DST: variants seen among roughly 807,000 people sequenced by gnomAD.
DST encodes the protein bullous pemphigoid antigen.
A neutral mutation model predicts 875.2 loss-of-function variants in DST; 253 were observed. That is an observed-to-expected ratio of 0.29 (90% CI 0.26 to 0.32). The LOEUF is 0.32. Ranked by LOEUF, DST falls within the 10% of genes least tolerant of loss-of-function variation. The probability of loss-of-function intolerance (pLI) is 1.00; values close to 1 mark genes in which losing one functional copy is unlikely to be tolerated. For synonymous variants in DST, 3,124 were observed against 3,197.1 expected, an observed-to-expected ratio of 0.98 and a Z score of 0.77; for missense variants, 8,287 against 9,111.6, an observed-to-expected ratio of 0.91 and a Z score of 3.68.
At chr6:56,742,471 G>C in intron 4 of DST, 1 of 602,294 alleles carries the variant, frequency 1.7e-6, no homozygotes, top group Non-Finnish European at 2.7e-6. Flanking sequence ...CTGAAAACTA[G>C]TCAACACCTC....
intron 61 of DST, among the ~76,000 whole-genome samples, chr6:56,539,937 T>C (rs1245912213): frequency 6.6e-6 from 1 of 152,208 alleles, no homozygotes; most frequent in East Asian, 1.9e-4. Flanking sequence ...GGCTCTTAAA[T>C]GGCAGTGTCT....
At chr6:56,558,239 T>A (rs975397274) in intron 58 of DST, among the ~76,000 whole-genome samples, 6 of 152,204 alleles carry the variant, frequency 3.9e-5, no homozygotes, top group African/African-American at 1.2e-4. Context: ...ATGTGTTTTT[T>A]AAAATTATTT....
chr6:56,782,562 T>C (rs1157716581), intron 4 of DST, among the ~76,000 whole-genome samples: 4 of 152,242 alleles, frequency 2.6e-5, no homozygotes, highest in Non-Finnish European at 5.9e-5. Context: ...GTGGGATTGG[T>C]GGTGATATCC....
At chr6:56,557,614 A>G (rs1409490005) in intron 58 of DST, 96 bp from the exon 59 acceptor site, 5 of 909,174 alleles carry the variant, frequency 5.5e-6, no homozygotes, top group Non-Finnish European at 8.2e-6. Context: ...AATGATATAT[A>G]ATGGCTATAA....
chr6:56,560,196 A>T, intron 58 of DST, 98 bp downstream of exon 58: 1 of 1,195,628 alleles, frequency 8.4e-7, no homozygotes, highest in Non-Finnish European at 1.1e-6. Flanking sequence ...AAATCCAAAA[A>T]TAAGTGACTG....
At chr6:56,475,402 C>T (rs1489616090) in intron 92 of DST, among the ~76,000 whole-genome samples, 6 of 91,908 alleles carry the variant, frequency 6.5e-5, no homozygotes, top group Admixed American at 2.6e-4. Context: ...AAAACACACA[C>T]ACACACACAC....
chr6:56,522,552 C>T (rs1231625648), intron 69 of DST, among the ~76,000 whole-genome samples: 1 of 152,148 alleles, frequency 6.6e-6, no homozygotes, highest in Non-Finnish European at 1.5e-5. Context: ...ATCCACAACA[C>T]CTGGAGGGTC....
Position 56,632,088 on chromosome 6 carries a change from G to A in DST, c.3806-48C>T, listed in dbSNP as rs374831841. 6.8e-6 allele frequency: 10 copies of A among 1,479,522 alleles called. No homozygotes were observed. In the African/African-American group the frequency reaches 1.1e-4, roughly 16 times the overall value. The allele number at this position is 1,479,522 out of a possible 1,614,324, so 91.6% of individuals were successfully genotyped here. A position where few individuals can be genotyped will look rare whatever the true frequency, so the allele number is the denominator to read the frequency against. ...AAAATACCTTGTTTTCTATCTCTTA[G>A]AAGCTTCTGTTTATGTTTTAATATG... On this transcript the variant is annotated intron_variant, in intron 28 of 103. Transcript: ENST00000680361.
chr6:56,784,812 A>G (rs2099701733), intron 4 of DST, among the ~76,000 whole-genome samples: 1 of 152,060 alleles, frequency 6.6e-6, no homozygotes, highest in Non-Finnish European at 1.5e-5. Flanking sequence ...TGCTTTTTAG[A>G]GTTTCCAGTT....
At position 56,610,572 on chromosome 6, in the gene DST, C is replaced by G. The variant is rs1369673889; in HGVS notation, c.5148-10G>C. On this transcript the variant is annotated splice_polypyrimidine_tract_variant and intron_variant, in intron 38 of 103. Transcript: ENST00000680361. Reference sequence around the variant, plus strand: ...TTCTTCATCTGTCATTCTAAATAACCAGAAATGATAAAAAGACTAATGCAA... The same window carrying G: ...TTCTTCATCTGTCATTCTAAATAACGAGAAATGATAAAAAGACTAATGCAA... The G allele has an allele frequency of 2.6e-6, 4 of 1,568,040 alleles. No homozygotes were observed. In the African/African-American group the frequency reaches 5.5e-5, roughly 22 times the overall value.
chr6:56,620,744 C>A, intron 36 of DST: 1 of 1,584,224 alleles, frequency 6.3e-7, no homozygotes, highest in South Asian at 1.1e-5. Context: ...AAGTGTCAAG[C>A]CTGTTCTGTT....
chr6:56,467,889 C>G (rs897252401), intron 98 of DST, among the ~76,000 whole-genome samples: 1 of 152,100 alleles, frequency 6.6e-6, no homozygotes, highest in Admixed American at 6.5e-5. Flanking sequence ...CTCTCATTCT[C>G]TCTGCAAATA....
chr6:56,546,675 T>A (rs759970470), intron 61 of DST, among the ~76,000 whole-genome samples: 7 of 152,018 alleles, frequency 4.6e-5, no homozygotes, highest in Non-Finnish European at 1.0e-4. Context: ...CCTACATTGT[T>A]ATTAATGAAT....
intron 50 of DST, among the ~76,000 whole-genome samples, chr6:56,578,573 T>G (rs1342210705): frequency 6.6e-6 from 1 of 152,176 alleles, no homozygotes; most frequent in Non-Finnish European, 1.5e-5. Context: ...CTGTTATGTT[T>G]TCTAAATATC....
At chr6:56,587,785 C>A (rs1383770451) in intron 49 of DST, among the ~76,000 whole-genome samples, 2 of 152,008 alleles carry the variant, frequency 1.3e-5, no homozygotes, top group South Asian at 4.2e-4. Context: ...GAATTTTCAA[C>A]CCAGAATTTC....
At chr6:56,713,025 C>T (rs1410460518) in intron 5 of DST, among the ~76,000 whole-genome samples, 3 of 152,220 alleles carry the variant, frequency 2.0e-5, no homozygotes, top group African/African-American at 7.2e-5. Context: ...AGCAACCTCT[C>T]AAGTCATGTG....
chr6:56,877,513 G>T (rs1300738808), intron 3 of DST, among the ~76,000 whole-genome samples: 1 of 152,310 alleles, frequency 6.6e-6, no homozygotes, highest in Non-Finnish European at 1.5e-5. Flanking sequence ...CAAAGATTGT[G>T]CCGCTGTACT....
chr6:56,478,338 G>A (rs2095281605), intron 90 of DST, among the ~76,000 whole-genome samples: 1 of 152,110 alleles, frequency 6.6e-6, no homozygotes, highest in Non-Finnish European at 1.5e-5. Flanking sequence ...AAAAAGTGAA[G>A]GGGAGGTTGG....
intron 50 of DST, among the ~76,000 whole-genome samples, chr6:56,574,600 C>T (rs559645075): frequency 1.6e-3 from 244 of 152,086 alleles, no homozygotes; most frequent in African/African-American, 5.3e-3. Context: ...TAACCTATCT[C>T]ATATGAGGAT....
Sources: gnomAD v4.1 joint callset for allele counts (sites outside exome capture counted in the v4.1 genomes callset) on GRCh38, gnomAD v4.1.1 for gene constraint, MANE v1.5 for transcripts, NCBI Gene and HGNC (gene_info 2026-07-23, HGNC 2026-07-21) for gene names.